The following PCDH15 variants were observed in gnomAD, a reference collection of about 807,000 sequenced individuals.
The protein encoded by PCDH15 is protocadherin-15.
Under a neutral mutation model 178.5 loss-of-function variants are expected in PCDH15, and 129 were observed. The observed-to-expected ratio is 0.72, with a 90% CI of 0.63 to 0.84. PCDH15 has a LOEUF of 0.84. Ranked by LOEUF, PCDH15 falls within the 40% of genes least tolerant of loss-of-function variation. The probability of loss-of-function intolerance (pLI) is 0.00; values close to 1 mark genes in which losing one functional copy is unlikely to be tolerated. For missense variants in PCDH15, 2,230 were observed against 2,099.9 expected (o/e 1.06, Z -1.21); for synonymous variants, 800 against 732.0 (o/e 1.09, Z -1.50).
At chr10:54,679,336 C>T (rs2094857460) in intron 1 of PCDH15, among the ~76,000 whole-genome samples, 2 of 151,828 alleles carry the variant, frequency 1.3e-5, no homozygotes, top group African/African-American at 4.8e-5. Flanking sequence ...TCTCATGATA[C>T]TTATCGAAAG....
intron 2 of PCDH15, among the ~76,000 whole-genome samples, chr10:54,541,917 C>A (rs544142538): frequency 6.6e-6 from 1 of 152,204 alleles, no homozygotes; most frequent in Admixed American, 6.5e-5. Context: ...CTTAATAAGT[C>A]TTTGTTTGCA....
intron 2 of PCDH15, among the ~76,000 whole-genome samples, chr10:54,975,272 T>C (rs1405849989): frequency 6.6e-6 from 1 of 152,224 alleles, no homozygotes; most frequent in Non-Finnish European, 1.5e-5. Context: ...CACTCCTTGA[T>C]ACCTGTGTGA....
intron 2 of PCDH15, among the ~76,000 whole-genome samples, chr10:55,475,870 A>T (rs1303869111): frequency 6.6e-6 from 1 of 152,112 alleles, no homozygotes; most frequent in Non-Finnish European, 1.5e-5. Flanking sequence ...ATCTCTATCC[A>T]CTTCCCTTCT....
chr10:53,949,833 T>C (rs2086872292), intron 23 of PCDH15, among the ~76,000 whole-genome samples: 1 of 152,250 alleles, frequency 6.6e-6, no homozygotes, highest in Non-Finnish European at 1.5e-5. Context: ...CTTTGGCCAC[T>C]GTGATAATAT....
intron 8 of PCDH15, among the ~76,000 whole-genome samples, chr10:54,291,456 A>G (rs541762915): frequency 1.3e-5 from 2 of 152,330 alleles, no homozygotes; most frequent in East Asian, 3.9e-4. Context: ...AGCAGAAGGC[A>G]AGAAATAAGT....
chr10:54,355,530 C>G (rs1944842260), intron 5 of PCDH15, among the ~76,000 whole-genome samples: 1 of 151,844 alleles, frequency 6.6e-6, no homozygotes, highest in Admixed American at 6.6e-5. Context: ...TATTAATGAA[C>G]TTCTGAAAAA....
intron 2 of PCDH15, among the ~76,000 whole-genome samples, chr10:55,421,907 AATGGTATTTCTATTAGCCCAGT>A (rs1290134332): frequency 6.6e-6 from 1 of 151,742 alleles, no homozygotes; most frequent in East Asian, 1.9e-4. Flanking sequence ...ACAAGATAAA[AATGGTATTTCTATTAGCCCAGT>A]CAATTAGCAT....
chr10:54,043,047 T>C (rs866075236), intron 18 of PCDH15, among the ~76,000 whole-genome samples: 1 of 152,114 alleles, frequency 6.6e-6, no homozygotes, highest in Middle Eastern at 3.2e-3. Context: ...GTACAGGAGT[T>C]CAGAGTAAGT....
intron 2 of PCDH15, among the ~76,000 whole-genome samples, chr10:54,919,565 G>A (rs1417342102): frequency 2.6e-5 from 4 of 151,976 alleles, no homozygotes; most frequent in Admixed American, 2.0e-4. Flanking sequence ...CCTTTGCTTC[G>A]GATACATTAC....
chr10:54,523,358 C>T (rs2083072836), intron 3 of PCDH15, among the ~76,000 whole-genome samples: 1 of 152,112 alleles, frequency 6.6e-6, no homozygotes, highest in Admixed American at 6.5e-5. Context: ...ATAACAATTT[C>T]ATAAAAATTT....
At chr10:55,573,883 T>A (rs576739239) in intron 2 of PCDH15, among the ~76,000 whole-genome samples, 1 of 152,010 alleles carries the variant, frequency 6.6e-6, no homozygotes, top group South Asian at 2.1e-4. Context: ...TTGTATATTA[T>A]TATAACGTTT....
At chr10:55,557,575 G>A (rs907134515) in intron 2 of PCDH15, among the ~76,000 whole-genome samples, 1 of 152,018 alleles carries the variant, frequency 6.6e-6, no homozygotes, top group Admixed American at 6.6e-5. Context: ...TCTTACTATG[G>A]CTTTTGCCTC....
Position 53,938,911 on chromosome 10 carries a change from C to T in PCDH15, c.3277G>A (p.Gly1093Arg). 1 of 1,613,218 alleles carries T rather than the reference C, an allele frequency of 6.2e-7. No individual in the cohort carries two copies. The highest frequency in any genetic ancestry group is 8.5e-7 in the Non-Finnish European group (1 of 1,179,324). The change falls in exon 25 of 38, where the codon GGA (glycine) becomes AGA (arginine). Residue 1093 changes from glycine (G) to arginine (R), a missense_variant. Coordinates refer to ENST00000644397, the MANE Select transcript of PCDH15 (RefSeq NM_001384140.1). ...NNITGVIYVN[G>R]PLDYETRTSY... ...GTCCTGGTCTCATAATCCAGAGGTC[C>T]ATTCACATAGATAACACCTGTGATG...
intron 1 of PCDH15, among the ~76,000 whole-genome samples, chr10:55,251,199 G>A (rs1299968400): frequency 2.0e-5 from 3 of 151,926 alleles, no homozygotes; most frequent in Non-Finnish European, 4.4e-5. Flanking sequence ...TTGTGCTTGT[G>A]CTTGTGTTTG....
chr10:54,857,266 C>CATAA (rs1953757544), intron 3 of PCDH15, among the ~76,000 whole-genome samples: 1 of 152,056 alleles, frequency 6.6e-6, no homozygotes, highest in Non-Finnish European at 1.5e-5. Context: ...TAAATGAACT[C>CATAA]ATAAATATAA....
chr10:54,843,460 G>T (rs984039584), intron 3 of PCDH15, among the ~76,000 whole-genome samples: 2 of 151,926 alleles, frequency 1.3e-5, no homozygotes, highest in Non-Finnish European at 2.9e-5. Flanking sequence ...TGATTTATGT[G>T]TGTCTGACAG....
chr10:55,278,303 G>A (rs1196153786), intron 1 of PCDH15, among the ~76,000 whole-genome samples: 1 of 151,986 alleles, frequency 6.6e-6, no homozygotes, highest in Non-Finnish European at 1.5e-5. Context: ...TGGGTAGACA[G>A]TTTATACATA....
chr10:55,459,424 C>T (rs1263750696), intron 2 of PCDH15, among the ~76,000 whole-genome samples: 2 of 151,930 alleles, frequency 1.3e-5, no homozygotes, highest in African/African-American at 2.4e-5. Context: ...GGCTGTAGTG[C>T]TAAGCAGAGG....
rs5741702 is a variant in PCDH15, at chr10:53,918,713, AACACACACACACACACAC to A, written c.3374-15361_3374-15344del. Among the ~76,000 whole-genome samples the A allele has an allele frequency of 8.8e-3, 1,292 of 147,072 alleles. 15 individuals are homozygous for A. The highest frequency in any genetic ancestry group is 0.03 in the African/African-American group (1,202 of 39,868). The stretch of plus-strand genomic sequence containing the variant: ...CTCTGTCCTTTAATGCAAATACACA[AACACACACACACACACAC>A]ACACACACACACACACACACACACA... On this transcript the variant is annotated intron_variant, in intron 25 of 37. Transcript: ENST00000644397.
Sources: allele counts gnomAD v4.1 joint callset (sites outside exome capture counted in the v4.1 genomes callset), GRCh38; gene constraint gnomAD v4.1.1; transcripts MANE v1.5; gene names NCBI Gene and HGNC (gene_info 2026-07-23, HGNC 2026-07-21).